The following SCMH1 variants were observed in gnomAD, a reference collection of about 807,000 sequenced individuals.
SCMH1 encodes polycomb protein SCMH1.
A neutral mutation model predicts 70.8 loss-of-function variants in SCMH1; 37 were observed. The observed-to-expected ratio is 0.52, with a 90% CI of 0.40 to 0.69. The LOEUF is 0.69. SCMH1 is among the 30% of genes least tolerant of loss of function. The probability of loss-of-function intolerance (pLI) is 0.00; values close to 1 mark genes in which losing one functional copy is unlikely to be tolerated. For synonymous variants in SCMH1, 292 were observed against 307.4 expected, an observed-to-expected ratio of 0.95 and a Z score of 0.52; for missense variants, 607 against 827.3, an observed-to-expected ratio of 0.73 and a Z score of 3.27.
rs560385347 is a variant in SCMH1 at position 41,176,263 on chromosome 1, C to T, written c.13+9858G>A. On this transcript the variant is annotated intron_variant, in intron 2 of 14. Coordinates refer to ENST00000337495, the Ensembl canonical transcript of SCMH1. Reference sequence around the variant, plus strand: ...GTATTCCAGTAAAGAAAACAAAATCCGGGGGGTGGCACCAAGATGGCCGAA... The same window carrying T: ...GTATTCCAGTAAAGAAAACAAAATCTGGGGGGTGGCACCAAGATGGCCGAA... Among the ~76,000 whole-genome samples, 15 of 151,128 alleles carry T rather than the reference C, an allele frequency of 9.9e-5. No individual in the cohort carries two copies. The South Asian group carries it at 1.9e-3, about 19-fold the overall frequency.
Position 41,028,550 on chromosome 1 carries a change from G to T in SCMH1, c.1821+34C>A, listed in dbSNP as rs11578697. 777,315 of 1,611,984 alleles carry T rather than the reference G, an allele frequency of 0.48. 191,795 individuals are homozygous for T. Among genetic ancestry groups the T allele is most frequent in the Admixed American group, 0.6 (36,134 of 59,974 alleles). On this transcript the variant is annotated intron_variant, in intron 14 of 14. Coordinates refer to ENST00000337495, the Ensembl canonical transcript of SCMH1. ...CCCACCAGGTGAGGCTCTCCACACA[G>T]GTTCCTACTGAGAGGTCAGGCAGCA...
intron 10 of SCMH1, among the ~76,000 whole-genome samples, chr1:41,064,691 T>C (rs1424165656): frequency 2.0e-5 from 3 of 152,068 alleles, no homozygotes; most frequent in East Asian, 1.9e-4. Flanking sequence ...AGCAGGAGGA[T>C]TGTTTGAGGC....
chr1:41,109,310 G>C (rs931691730), intron 8 of SCMH1, among the ~76,000 whole-genome samples: 3 of 151,948 alleles, frequency 2.0e-5, no homozygotes, highest in African/African-American at 7.2e-5. Context: ...TTTCCTATTT[G>C]CCATGAGCAG....
chr1:41,145,875 T>C (rs1372715167), intron 5 of SCMH1, among the ~76,000 whole-genome samples: 1 of 152,230 alleles, frequency 6.6e-6, no homozygotes, highest in Non-Finnish European at 1.5e-5. Context: ...TGTATAAAAG[T>C]ATAGCACATA....
chr1:41,058,493 G>A (rs542790845), intron 10 of SCMH1, among the ~76,000 whole-genome samples: 14 of 137,154 alleles, frequency 1.0e-4, no homozygotes, highest in Admixed American at 3.2e-4. Context: ...CAATTCTCCT[G>A]CTTCAGCCTC....
rs1166615892 is a variant in SCMH1 at position 41,113,704 on chromosome 1, A to G, written c.502-178T>C. 6.6e-6 allele frequency among the ~76,000 whole-genome samples: 1 copy of G among 152,204 alleles called. No individual in the cohort carries two copies. Among genetic ancestry groups the G allele is most frequent in the Non-Finnish European group, 1.5e-5 (1 of 68,036 alleles). On this transcript the variant is annotated intron_variant, in intron 7 of 14. Transcript: ENST00000337495. This position sits in a 1 kb window ranked among gnomAD's most constrained non-coding sequence, Gnocchi z 4.3. The stretch of plus-strand genomic sequence containing the variant: ...ATTTCAATATTTAAAGTATTACTTT[A>G]TTAATCCTAACATTTTGACAACTTT...
chr1:41,205,532 G>C (rs143532911), intron 1 of SCMH1, among the ~76,000 whole-genome samples: 37 of 152,352 alleles, frequency 2.4e-4, no homozygotes, highest in Admixed American at 6.5e-4. Context: ...ATCCTCGCGG[G>C]GGGGAGGGGC....
intron 2 of SCMH1, among the ~76,000 whole-genome samples, chr1:41,165,714 T>C (rs180700479): frequency 6.6e-6 from 1 of 152,196 alleles, no homozygotes; most frequent in Admixed American, 6.5e-5. Context: ...TCAAGTCCTT[T>C]GCTTATTTTT....
upstream of SCMH1, chr1:41,242,199 C>G (rs1463616250): frequency 1.5e-5 from 2 of 132,800 alleles, no homozygotes; most frequent in Non-Finnish European, 3.3e-5. This position sits in a 1 kb window ranked among gnomAD's most constrained non-coding sequence, Gnocchi z 5.2. Context: ...GGGGCTCCAC[C>G]GAGCTGGCGG....
At chr1:41,048,473 G>A (rs1034183471) in intron 11 of SCMH1, among the ~76,000 whole-genome samples, 1 of 152,134 alleles carries the variant, frequency 6.6e-6, no homozygotes, top group Non-Finnish European at 1.5e-5. Context: ...CAGTTTAGAG[G>A]CTCACTGAAG....
chr1:41,240,380 A>G (rs1663262302), intron 1 of SCMH1, among the ~76,000 whole-genome samples: 1 of 152,206 alleles, frequency 6.6e-6, no homozygotes, highest in South Asian at 2.1e-4. Flanking sequence ...TTGCTTAGGC[A>G]AGAGTTTAGG....
At chr1:41,093,931 T>C (rs1225194818) in intron 8 of SCMH1, among the ~76,000 whole-genome samples, 1 of 152,234 alleles carries the variant, frequency 6.6e-6, no homozygotes, top group Non-Finnish European at 1.5e-5. Flanking sequence ...TAGTTCATTT[T>C]TGAGAAAACG....
chr1:41,122,981 A>G (rs3766324), intron 6 of SCMH1, among the ~76,000 whole-genome samples: 16,502 of 152,162 alleles, frequency 0.11, 1,278 homozygotes, highest in East Asian at 0.28. Context: ...GCATTTTGGG[A>G]GACTGACGCA....
At chr1:41,061,103 A>C (rs776874889) in intron 10 of SCMH1, among the ~76,000 whole-genome samples, 1 of 152,214 alleles carries the variant, frequency 6.6e-6, no homozygotes, top group Non-Finnish European at 1.5e-5. Context: ...TTAACCTCCA[A>C]ACTGCCCTTA....
At chr1:41,138,821 G>T (rs1276950988) in intron 6 of SCMH1, among the ~76,000 whole-genome samples, 2 of 151,928 alleles carry the variant, frequency 1.3e-5, no homozygotes, top group Non-Finnish European at 2.9e-5. Flanking sequence ...TAGTTGAAAT[G>T]GTTTTATCCT....
chr1:41,209,673 G>A (rs965787130), intron 1 of SCMH1, among the ~76,000 whole-genome samples: 10 of 152,272 alleles, frequency 6.6e-5, no homozygotes, highest in African/African-American at 2.4e-4. Context: ...ACAGCACTTC[G>A]TGCTAAAAAC....
intron 2 of SCMH1, among the ~76,000 whole-genome samples, chr1:41,173,950 G>C (rs1646952660): frequency 6.6e-6 from 1 of 152,096 alleles, no homozygotes; most frequent in Non-Finnish European, 1.5e-5. Flanking sequence ...TAAAGGGAAG[G>C]AAGGGGAGGT....
At chr1:41,087,907 A>G (rs1319219302) in intron 8 of SCMH1, among the ~76,000 whole-genome samples, 9 of 104,516 alleles carry the variant, frequency 8.6e-5, no homozygotes, top group Non-Finnish European at 1.3e-4. Context: ...TATACTATAT[A>G]TAATAATCTA....
At chr1:41,037,430 C>T (rs202077203) in exon 13 of SCMH1, 25 of 1,614,128 alleles carry the variant, frequency 1.5e-5, no homozygotes, top group East Asian at 6.7e-5. Flanking sequence ...AAGCAAGGGC[C>T]GGTGCCTTTG....
Sources: gnomAD v4.1 joint callset for allele counts (sites outside exome capture counted in the v4.1 genomes callset) on GRCh38, gnomAD v4.1.1 for gene constraint, Gnocchi (gnomAD v3.1) non-coding constraint, MANE v1.5 for transcripts, NCBI Gene and HGNC (gene_info 2026-07-23, HGNC 2026-07-21) for gene names.